Variants in ZNF138 observed in about 807,000 individuals in gnomAD.
The protein encoded by ZNF138 is zinc finger protein 138, also known as zinc finger protein 138 (clone pHZ-32).
In ZNF138, 33 loss-of-function variants were observed where a neutral mutation model predicts 33.0. That is an observed-to-expected ratio of 1.00 (90% CI 0.76 to 1.34). ZNF138 has a LOEUF of 1.34. Among genes scored for constraint, ZNF138 ranks in the 40% most tolerant of loss-of-function variants. The pLI, the probability that ZNF138 is intolerant of heterozygous loss-of-function variation, is 0.00. For synonymous variants in ZNF138, 139 were observed against 120.4 expected, an observed-to-expected ratio of 1.15 and a Z score of -1.01; for missense variants, 360 against 370.8, an observed-to-expected ratio of 0.97 and a Z score of 0.24.
At chr7:64,853,917 C>T in the ZNF138 span, among the ~76,000 whole-genome samples, 12 of 151,806 alleles carry the variant, frequency 7.9e-5, no homozygotes, top group African/African-American at 2.4e-4. Flanking sequence ...CATCTTTAAT[C>T]GTTTGAACCC....
Position 64,832,432 on chromosome 7 carries a change from G to C in ZNF138, c.*230G>C. 1 of 1,470,430 alleles carries C rather than the reference G, an allele frequency of 6.8e-7. No individual in the cohort carries two copies. The highest frequency in any genetic ancestry group is 9.0e-7 in the Non-Finnish European group (1 of 1,108,640). 91.1% of individuals were successfully genotyped at this position (1,470,430 alleles called of 1,614,324 possible). On this transcript the variant is annotated 3_prime_UTR_variant, in exon 4 of 4. Coordinates refer to ENST00000307355, the MANE Select transcript of ZNF138 (RefSeq NM_001271639.2). ...AAACCCTACAAATGTAAAGAATGTG[G>C]AAAAGCTTTTCACCGATACTCAATC...
At chr7:64,801,169 C>T (rs1158530009) in intron 1 of ZNF138, among the ~76,000 whole-genome samples, 1 of 152,090 alleles carries the variant, frequency 6.6e-6, no homozygotes, top group East Asian at 1.9e-4. Context: ...AAATCTCCTT[C>T]AGTACAGCTC....
chr7:64,838,956 A>G, the ZNF138 span, among the ~76,000 whole-genome samples: 27 of 152,182 alleles, frequency 1.8e-4, no homozygotes, highest in South Asian at 1.9e-3. Flanking sequence ...CGGCGGAGAG[A>G]CTAAGATGGG....
At chr7:64,852,045 G>A in the ZNF138 span, among the ~76,000 whole-genome samples, 1 of 152,170 alleles carries the variant, frequency 6.6e-6, no homozygotes, top group Non-Finnish European at 1.5e-5. Context: ...GACACCAACT[G>A]CTCTTTGACA....
At chr7:64,812,266 C>G (rs960133703) in intron 1 of ZNF138, among the ~76,000 whole-genome samples, 3 of 151,646 alleles carry the variant, frequency 2.0e-5, no homozygotes, top group South Asian at 2.1e-4. Flanking sequence ...TCAAGTGATT[C>G]TCCTGCTTCA....
At position 64,831,745 on chromosome 7, in the gene ZNF138, GATGTAAA is replaced by G. The variant is rs751390552; in HGVS notation, c.504_510del (p.Cys169AsnfsTer12). 1.9e-6 allele frequency: 3 copies of G among 1,613,622 alleles called. No individual in the cohort carries two copies. The highest frequency in any genetic ancestry group is 8.5e-7 in the Non-Finnish European group (1 of 1,179,868). On this transcript the variant is annotated frameshift_variant, in exon 4 of 4. Coordinates refer to ENST00000307355, the MANE Select transcript of ZNF138 (RefSeq NM_001271639.2). LOFTEE classifies it high-confidence loss of function. ...AGACATACTGAAAATAAACATTTCAGATGTAAAGAATGTGACAAATCACTTTGCATGC... is the reference window on the plus strand; with the variant it reads ...AGACATACTGAAAATAAACATTTCAGGAATGTGACAAATCACTTTGCATGC...
At chr7:64,841,198 A>G in the ZNF138 span, among the ~76,000 whole-genome samples, 1 of 152,160 alleles carries the variant, frequency 6.6e-6, no homozygotes, top group Non-Finnish European at 1.5e-5. Flanking sequence ...ATAAAATTTA[A>G]TGCACACTGA....
rs1562927679 is a variant in ZNF138, at chr7:64,832,025, A to G, written c.783A>G (p.Lys261=). 6.2e-7 allele frequency: 1 copy of G among 1,613,600 alleles called. No individual in the cohort carries two copies. The highest frequency in any genetic ancestry group is 8.5e-7 in the Non-Finnish European group (1 of 1,179,804). ...GTGCACACTGTGGCAAAGCCTTTAA[A>G]CAGTCCTCACACCTTACTAGACATA... ...YKCAHCGKAF[K]QSSHLTRHKI... Residue 261 remains lysine (K), a synonymous_variant, in exon 4 of 4, where the codon AAA becomes AAG. Transcript: ENST00000307355.
chr7:64,831,206 C>G lies in ZNF138; in HGVS notation c.209-245C>G, dbSNP rs1445038275. ...GTAAATGTAACAGACTTTTCTCTCT[C>G]TTCTGTGTGGCTCTTTGCATTGTGC... On this transcript the variant is annotated intron_variant, in intron 3 of 3. Coordinates refer to ENST00000307355, the MANE Select transcript of ZNF138 (RefSeq NM_001271639.2). The G allele has an allele frequency of 3.9e-6, 5 of 1,291,758 alleles. No homozygotes were observed. The South Asian group carries it at 7.3e-5, about 19-fold the overall frequency. The allele number at this position is 1,291,758 out of a possible 1,614,324, so 80.0% of individuals were successfully genotyped here. A position where few individuals can be genotyped will look rare whatever the true frequency, so the allele number is the denominator to read the frequency against.
At chr7:64,801,896 G>A (rs967656305) in intron 1 of ZNF138, among the ~76,000 whole-genome samples, 1 of 152,154 alleles carries the variant, frequency 6.6e-6, no homozygotes, top group Non-Finnish European at 1.5e-5. Flanking sequence ...AGCTGGGAAC[G>A]GGGTCACACA....
intron 1 of ZNF138, among the ~76,000 whole-genome samples, chr7:64,811,745 A>G (rs1788196650): frequency 6.6e-6 from 1 of 152,250 alleles, no homozygotes; most frequent in African/African-American, 2.4e-5. Context: ...TATTTTGACA[A>G]GAGTGCTGAG....
chr7:64,850,392 G>T, the ZNF138 span, among the ~76,000 whole-genome samples: 1 of 152,338 alleles, frequency 6.6e-6, no homozygotes, highest in East Asian at 1.9e-4. Flanking sequence ...TACTTCTGGA[G>T]AAAAGTTAAT....
chr7:64,803,712 A>G (rs1173196860), intron 1 of ZNF138, among the ~76,000 whole-genome samples: 1 of 152,234 alleles, frequency 6.6e-6, no homozygotes, highest in Non-Finnish European at 1.5e-5. Context: ...CATTTGGAAT[A>G]TAAAGTGTTT....
intron 1 of ZNF138, among the ~76,000 whole-genome samples, chr7:64,806,666 A>T (rs7799440): frequency 6.6e-6 from 1 of 152,190 alleles, no homozygotes; most frequent in Non-Finnish European, 1.5e-5. Flanking sequence ...TTATGTCTTT[A>T]TCCCTTCTTT....
the ZNF138 span, among the ~76,000 whole-genome samples, chr7:64,847,330 A>ATTTT: frequency 9.0e-6 from 1 of 111,368 alleles, no homozygotes; most frequent in African/African-American, 3.3e-5. Flanking sequence ...ATATATATAT[A>ATTTT]TATTTTTTTT....
chr7:64,846,970 A>G, the ZNF138 span, among the ~76,000 whole-genome samples: 327 of 152,270 alleles, frequency 2.1e-3, 3 homozygotes, highest in African/African-American at 7.0e-3. Context: ...TTAATCATAA[A>G]GGGATCCTGG....
the ZNF138 span, among the ~76,000 whole-genome samples, chr7:64,858,955 T>G: frequency 2.1e-3 from 314 of 152,282 alleles, 1 homozygote; most frequent in Non-Finnish European, 3.1e-3. Flanking sequence ...CTTTCATTTT[T>G]TTATATCTTC....
chr7:64,799,528 T>C (rs888828484), intron 1 of ZNF138, among the ~76,000 whole-genome samples: 1 of 152,228 alleles, frequency 6.6e-6, no homozygotes, highest in Non-Finnish European at 1.5e-5. Context: ...ATCTGACTTA[T>C]TTAAGCAGTG....
chr7:64,827,628 GTAT>G (rs1789746843), intron 3 of ZNF138, among the ~76,000 whole-genome samples: 1 of 151,974 alleles, frequency 6.6e-6, no homozygotes, highest in African/African-American at 2.4e-5. Flanking sequence ...TGTGAATCAA[GTAT>G]TATTAGTTAG....
Sources: gnomAD v4.1 joint callset for allele counts (sites outside exome capture counted in the v4.1 genomes callset) on GRCh38, gnomAD v4.1.1 for gene constraint, MANE v1.5 for transcripts, NCBI Gene and HGNC (gene_info 2026-07-23, HGNC 2026-07-21) for gene names.